The following CD1B variants were observed in gnomAD, a reference collection of about 807,000 sequenced individuals.
CD1B encodes CD1b molecule.
A neutral mutation model predicts 39.8 loss-of-function variants in CD1B; 43 were observed. That is an observed-to-expected ratio of 1.08 (90% CI 0.85 to 1.39). CD1B has a LOEUF of 1.39. Among genes scored for constraint, CD1B ranks in the 40% most tolerant of loss-of-function variants. The pLI, the probability that CD1B is intolerant of heterozygous loss-of-function variation, is 0.00. For missense variants in CD1B, 495 were observed against 403.8 expected (o/e 1.23, Z -1.94); for synonymous variants, 192 against 152.5 (o/e 1.26, Z -1.91).
chr1:158,291,492 C>G, the CD1B span: 1 of 1,261,898 alleles, frequency 7.9e-7, no homozygotes, highest in Non-Finnish European at 1.1e-6. Flanking sequence ...TTCCCATTAT[C>G]CCATCCCACC....
At chr1:158,328,298 T>C (rs764523176) in intron 5 of CD1B, 41 bp from the exon 6 acceptor site, 1 of 1,526,024 alleles carries the variant, frequency 6.6e-7, no homozygotes, top group South Asian at 1.1e-5. Context: ...ACATAAAAGA[T>C]GTTTGTACAC....
chr1:158,300,982 T>C, the CD1B span, among the ~76,000 whole-genome samples: 6 of 152,006 alleles, frequency 3.9e-5, no homozygotes, highest in East Asian at 1.2e-3. Flanking sequence ...ATGGTCTCAA[T>C]TGCCTGACTT....
At chr1:158,290,663 TTGTC>T in the CD1B span, among the ~76,000 whole-genome samples, 2 of 152,096 alleles carry the variant, frequency 1.3e-5, no homozygotes, top group South Asian at 2.1e-4. Context: ...ATGGGGAAGA[TTGTC>T]TGTTGGTAGA....
chr1:158,308,817 T>C, the CD1B span, among the ~76,000 whole-genome samples: 3 of 152,164 alleles, frequency 2.0e-5, no homozygotes, highest in Admixed American at 6.5e-5. Flanking sequence ...TTACACCTTA[T>C]ACAAAAATCA....
chr1:158,312,390 C>T, the CD1B span, among the ~76,000 whole-genome samples: 2 of 152,200 alleles, frequency 1.3e-5, no homozygotes, highest in Non-Finnish European at 2.9e-5. Flanking sequence ...ACTGTGAGGC[C>T]ACCCCAGCTA....
At position 158,331,069 on chromosome 1, in the gene CD1B, AG is replaced by A. The variant is rs763341882; in HGVS notation, c.62-8del. ...GAGGTCGGCCCCTGGAAGGCTGTGA[AG>A]AGTGGAAAAGCAAGATGGTGAAGAT... is the stretch of plus-strand genomic sequence containing the variant. On this transcript the variant is annotated splice_region_variant and splice_polypyrimidine_tract_variant and intron_variant, in intron 1 of 5. Transcript: ENST00000368168. The A allele has an allele frequency of 1.3e-6, 2 of 1,596,970 alleles. No homozygotes were observed. Among genetic ancestry groups the A allele is most frequent in the East Asian group, 4.5e-5 (2 of 44,740 alleles).
chr1:158,319,413 T>G, the CD1B span, among the ~76,000 whole-genome samples: 7 of 152,238 alleles, frequency 4.6e-5, no homozygotes, highest in Admixed American at 3.9e-4. Context: ...TTTCATTCAT[T>G]TCATCTTCCA....
the CD1B span, among the ~76,000 whole-genome samples, chr1:158,319,862 G>A: frequency 1.3e-5 from 2 of 152,190 alleles, no homozygotes; most frequent in South Asian, 2.1e-4. Context: ...CTTTCTGTTT[G>A]TTAGTTTTCC....
At chr1:158,311,113 T>C in the CD1B span, among the ~76,000 whole-genome samples, 1 of 152,218 alleles carries the variant, frequency 6.6e-6, no homozygotes, top group Non-Finnish European at 1.5e-5. Context: ...GGGTATGTAG[T>C]ATATTTTTAG....
At chr1:158,326,766 C>T (rs1025807392), downstream of CD1B, among the ~76,000 whole-genome samples, 8 of 151,640 alleles carry the variant, frequency 5.3e-5, no homozygotes, top group Non-Finnish European at 1.0e-4. Context: ...TTTTATACTG[C>T]TTTATGTTTG....
the CD1B span, among the ~76,000 whole-genome samples, chr1:158,309,591 A>T: frequency 1.3e-5 from 2 of 152,168 alleles, no homozygotes; most frequent in African/African-American, 2.4e-5. Context: ...CAAATGTCTA[A>T]CAATGATAGA....
At position 158,328,901 on chromosome 1, in the gene CD1B, C is replaced by A. The variant is rs767657536; in HGVS notation, c.980+20G>T. 6.3e-5 allele frequency: 93 copies of A among 1,464,770 alleles called. No homozygotes were observed. The South Asian group carries it at 8.9e-4, about 14-fold the overall frequency. 90.7% of individuals were successfully genotyped at this position (1,464,770 alleles called of 1,614,324 possible). A position where few individuals can be genotyped will look rare whatever the true frequency, so the allele number is the denominator to read the frequency against. On this transcript the variant is annotated intron_variant, in intron 5 of 5. Transcript: ENST00000368168. ...AGAAAAGACATATTAAAAAAAAAAA[C>A]AACACCACCCACAACTCACCGGCGC...
the CD1B span, among the ~76,000 whole-genome samples, chr1:158,304,814 C>A: frequency 0.012 from 1,761 of 152,284 alleles, 34 homozygotes; most frequent in African/African-American, 0.04. Flanking sequence ...GCTGCTGATA[C>A]CCAGGAAAAC....
At chr1:158,291,785 C>T in the CD1B span, among the ~76,000 whole-genome samples, 3 of 152,224 alleles carry the variant, frequency 2.0e-5, no homozygotes, top group South Asian at 6.2e-4. Context: ...TGCTATCCTC[C>T]TACCTCCCTC....
At chr1:158,311,775 T>C in the CD1B span, among the ~76,000 whole-genome samples, 1 of 152,134 alleles carries the variant, frequency 6.6e-6, no homozygotes, top group African/African-American at 2.4e-5. Context: ...AATGTGTGTC[T>C]TGGCACTTTT....
At chr1:158,329,244 T>A (rs1201801667) in intron 4 of CD1B, 126 bp downstream of exon 4, 1 of 1,247,752 alleles carries the variant, frequency 8.0e-7, no homozygotes, top group Non-Finnish European at 1.1e-6. Context: ...GGGATTGGGG[T>A]CAGGGAAATC....
the CD1B span, among the ~76,000 whole-genome samples, chr1:158,313,632 G>A: frequency 2.6e-5 from 4 of 152,012 alleles, no homozygotes; most frequent in East Asian, 7.7e-4. Context: ...TTTTGTTTTT[G>A]TTGTGTCATC....
At chr1:158,318,953 G>T in the CD1B span, among the ~76,000 whole-genome samples, 4 of 152,044 alleles carry the variant, frequency 2.6e-5, no homozygotes, top group South Asian at 2.1e-4. Context: ...TTAATTCTGG[G>T]TTGAAAATTC....
At chr1:158,293,677 A>C in the CD1B span, 2 of 1,264,018 alleles carry the variant, frequency 1.6e-6, no homozygotes, top group Non-Finnish European at 2.2e-6. Context: ...CAACCTTCAA[A>C]GCCCATTTCT....
Sources: allele counts gnomAD v4.1 joint callset (sites outside exome capture counted in the v4.1 genomes callset), GRCh38; gene constraint gnomAD v4.1.1; transcripts MANE v1.5; gene names NCBI Gene and HGNC (gene_info 2026-07-23, HGNC 2026-07-21).